Variants in TUT4 observed in about 807,000 individuals in gnomAD.
TUT4 encodes terminal uridylyl transferase 4.
TUT4 carries 36 observed loss-of-function variants against 192.2 expected under a neutral mutation model. The ratio of observed to expected loss-of-function variants is 0.19; its 90% CI spans 0.14 to 0.25. The LOEUF is 0.25. Among genes scored for constraint, TUT4 ranks in the 10% least tolerant of loss-of-function variants. TUT4 has a pLI of 1.00. For synonymous variants in TUT4, 618 were observed against 666.0 expected (o/e 0.93, Z 1.11); for missense variants, 1,493 against 1,957.2 (o/e 0.76, Z 4.47).
intron 1 of TUT4, among the ~76,000 whole-genome samples, chr1:52,533,677 G>C (rs971802958): frequency 6.6e-6 from 1 of 152,082 alleles, no homozygotes; most frequent in African/African-American, 2.4e-5. Flanking sequence ...TCTAAGAAAG[G>C]AAACATGAGG....
intron 19 of TUT4, among the ~76,000 whole-genome samples, chr1:52,460,721 A>G (rs1478259653): frequency 1.3e-5 from 2 of 152,214 alleles, no homozygotes; most frequent in African/African-American, 2.4e-5. Context: ...ACTAAATTCA[A>G]TGTCATAACA....
chr1:52,436,996 G>C lies in TUT4; in HGVS notation c.3939-18C>G. 1.2e-6 allele frequency: 2 copies of C among 1,609,500 alleles called. No homozygotes were observed. The highest frequency in any genetic ancestry group is 2.2e-5 in the South Asian group (2 of 90,896). Reference sequence around the variant, plus strand: ...GTAAACTGCTGATACCAATAATGTGGGGCTAGGGACTTGTAAATTAAGTGA... The same window carrying C: ...GTAAACTGCTGATACCAATAATGTGCGGCTAGGGACTTGTAAATTAAGTGA... On this transcript the variant is annotated intron_variant, in intron 25 of 29. Transcript: ENST00000257177.
At chr1:52,492,355 C>T (rs777003551) in intron 7 of TUT4, among the ~76,000 whole-genome samples, 23 of 151,918 alleles carry the variant, frequency 1.5e-4, no homozygotes, top group Non-Finnish European at 3.2e-4. Flanking sequence ...TAAAAAAAAG[C>T]TCTCTCTTCT....
intron 22 of TUT4, 45 bp from the exon 23 acceptor site, chr1:52,446,049 C>T (rs1420422722): frequency 1.9e-6 from 3 of 1,549,928 alleles, no homozygotes; most frequent in Non-Finnish European, 2.6e-6. Flanking sequence ...ATTCACTGTA[C>T]CATAAAAATA....
At chr1:52,530,574 G>A (rs1486920691) in intron 1 of TUT4, among the ~76,000 whole-genome samples, 1 of 152,156 alleles carries the variant, frequency 6.6e-6, no homozygotes, top group Non-Finnish European at 1.5e-5. Flanking sequence ...AGTAGCCAAT[G>A]TCTTATTGCC....
intron 1 of TUT4, among the ~76,000 whole-genome samples, chr1:52,552,638 C>G (rs996885091): frequency 2.0e-5 from 3 of 152,202 alleles, no homozygotes; most frequent in Non-Finnish European, 2.9e-5. Context: ...GGTCCGGGAC[C>G]GGGAGCCCCA....
intron 1 of TUT4, among the ~76,000 whole-genome samples, chr1:52,548,142 A>G (rs1332522464): frequency 6.6e-6 from 1 of 152,118 alleles, no homozygotes; most frequent in Non-Finnish European, 1.5e-5. Context: ...ATTACCATGA[A>G]AACAGTTTGA....
chr1:52,438,237 G>A lies in TUT4; in HGVS notation c.3921C>T (p.Asp1307=). The change falls in exon 25 of 30, where the codon GAC becomes GAT. Residue 1307 remains aspartate (D), a synonymous_variant. Coordinates refer to ENST00000257177, the MANE Select transcript of TUT4 (RefSeq NM_001009881.3). ...TTGCCAACCTTTTCCTTTTAGGGCA[G>A]TCTTTCATGTAGTGGCCTATTTTTC... is the stretch of plus-strand genomic sequence containing the variant. ...VCGKIGHYMK[D]CPKRKSSLLF... 1 of 1,612,064 alleles carries A rather than the reference G, an allele frequency of 6.2e-7. No individual in the cohort carries two copies. Among genetic ancestry groups the A allele is most frequent in the Non-Finnish European group, 8.5e-7 (1 of 1,179,426 alleles).
intron 1 of TUT4, among the ~76,000 whole-genome samples, chr1:52,550,554 G>A (rs1246753602): frequency 6.8e-6 from 1 of 147,698 alleles, no homozygotes; most frequent in East Asian, 2.0e-4. Context: ...CCAGGCTGGA[G>A]TACAGTGGCG....
chr1:52,542,765 A>ATT (rs553985195), intron 1 of TUT4, among the ~76,000 whole-genome samples: 23 of 146,552 alleles, frequency 1.6e-4, no homozygotes, highest in East Asian at 9.8e-4. Flanking sequence ...TTATTTATTT[A>ATT]TTTATTTTTT....
chr1:52,467,763 C>A (rs72903641), intron 15 of TUT4, among the ~76,000 whole-genome samples: 9,292 of 152,224 alleles, frequency 0.061, 307 homozygotes, highest in South Asian at 0.086. Flanking sequence ...TCCAGCCACA[C>A]TGACTTCCTG....
In TUT4 at chr1:52,461,550, CT is replaced by C; in HGVS notation, c.3193del (p.Ser1065ValfsTer3). On this transcript the variant is annotated frameshift_variant, in exon 18 of 30. Coordinates refer to ENST00000257177, the MANE Select transcript of TUT4 (RefSeq NM_001009881.3). LOFTEE classifies it high-confidence loss of function. ...TAAACTGATATCGCCTTCTAACCCA[CT>C]TCGCCTGTGTTCAAATTTTACTATA... is the stretch of plus-strand genomic sequence containing the variant. ...VPIVKFEHRR[S>X]GLEGDISLYN... The C allele has an allele frequency of 6.2e-7, 1 of 1,613,280 alleles. No individual in the cohort carries two copies. The highest frequency in any genetic ancestry group is 8.5e-7 in the Non-Finnish European group (1 of 1,179,622).
chr1:52,446,128 C>A, intron 22 of TUT4, 124 bp from the exon 23 acceptor site: 1 of 1,301,162 alleles, frequency 7.7e-7, no homozygotes, highest in Non-Finnish European at 1.1e-6. Context: ...CAAACTCTTC[C>A]TCTAAAATTA....
chr1:52,491,327 T>C (rs1253093933), intron 7 of TUT4, among the ~76,000 whole-genome samples: 1 of 152,198 alleles, frequency 6.6e-6, no homozygotes, highest in Non-Finnish European at 1.5e-5. Flanking sequence ...GAAGCACATT[T>C]CTACCCTGAA....
chr1:52,550,323 G>A (rs192517522), intron 1 of TUT4, among the ~76,000 whole-genome samples: 3 of 151,980 alleles, frequency 2.0e-5, no homozygotes, highest in African/African-American at 4.8e-5. Flanking sequence ...AGGTCTTTCT[G>A]GAATTGTTCT....
chr1:52,517,266 G>A (rs12039624), intron 2 of TUT4, among the ~76,000 whole-genome samples: 13,255 of 152,180 alleles, frequency 0.087, 732 homozygotes, highest in East Asian at 0.2. Context: ...CTAATGACCG[G>A]GGTCTTACTT....
At chr1:52,469,766 T>C (rs1665188792) in intron 14 of TUT4, among the ~76,000 whole-genome samples, 1 of 151,868 alleles carries the variant, frequency 6.6e-6, no homozygotes, top group Non-Finnish European at 1.5e-5. Flanking sequence ...GGCACGAGCC[T>C]GTAGTCCCAG....
intron 18 of TUT4, 115 bp downstream of exon 18, chr1:52,461,398 T>C (rs1308694173): frequency 8.6e-7 from 1 of 1,160,840 alleles, no homozygotes. Flanking sequence ...TCAAGATAAC[T>C]AGTAAAATAC....
intron 4 of TUT4, among the ~76,000 whole-genome samples, chr1:52,502,982 C>A (rs1338875391): frequency 6.6e-6 from 1 of 152,160 alleles, no homozygotes; most frequent in Non-Finnish European, 1.5e-5. Context: ...TTATTGAGTA[C>A]CCACTATGGA....
Sources: gnomAD v4.1 joint callset for allele counts (sites outside exome capture counted in the v4.1 genomes callset) on GRCh38, gnomAD v4.1.1 for gene constraint, MANE v1.5 for transcripts, NCBI Gene and HGNC (gene_info 2026-07-23, HGNC 2026-07-21) for gene names.